The following VWA3A variants were observed in gnomAD, a reference collection of about 807,000 sequenced individuals.
VWA3A encodes the protein von Willebrand factor A domain-containing protein 3A.
In VWA3A, 134 loss-of-function variants were observed where a neutral mutation model predicts 160.4. That is an observed-to-expected ratio of 0.84 (90% CI 0.73 to 0.96). The LOEUF (loss-of-function observed/expected upper bound fraction) is 0.96, where lower values mean the gene tolerates loss of function less well. Among genes scored for constraint, VWA3A ranks in the 40% least tolerant of loss-of-function variants. VWA3A has a pLI of 0.00. For synonymous variants in VWA3A, 476 were observed against 543.4 expected, an observed-to-expected ratio of 0.88 and a Z score of 1.72; for missense variants, 1,310 against 1,447.9, an observed-to-expected ratio of 0.90 and a Z score of 1.55.
rs1333532585 is a variant in VWA3A at position 22,155,921 on chromosome 16, G to A, written c.*14+5G>A. On this transcript the variant is annotated splice_donor_5th_base_variant and intron_variant, in intron 33 of 33. Transcript: ENST00000389398. The stretch of plus-strand genomic sequence containing the variant: ...TTCCTAGAGAAGTGTTCTCAGGTAA[G>A]GGGAGGGGCTAGACCCCATACTACC... The A allele has an allele frequency of 6.2e-7, 1 of 1,613,762 alleles. No individual in the cohort carries two copies. Among genetic ancestry groups the A allele is most frequent in the African/African-American group, 1.3e-5 (1 of 74,932 alleles).
At chr16:22,138,655 A>G in intron 22 of VWA3A, 143 bp downstream of exon 22, 2 of 1,116,364 alleles carry the variant, frequency 1.8e-6, no homozygotes, top group Non-Finnish European at 2.5e-6. Flanking sequence ...CCTCTTGCCC[A>G]GGCCTCCAGG....
In VWA3A at chr16:22,132,904, C is replaced by T. The variant is rs771387132; in HGVS notation, c.1877C>T (p.Thr626Ile). Reference protein sequence around the residue: ...TGGIPDQDMPTLSAYMAEACG... With the variant: ...TGGIPDQDMPILSAYMAEACG... ...CTACCTTCTCTTCCCCACCAGCCTA[C>T]ACTCAGTGCCTACATGGCTGAGGCC... The change falls in exon 20 of 34, where the codon ACA (threonine) becomes ATA (isoleucine). Residue 626 changes from threonine to isoleucine, a missense_variant. Coordinates refer to ENST00000389398, the MANE Select transcript of VWA3A (RefSeq NM_173615.5). 4 of 1,612,920 alleles carry T rather than the reference C, an allele frequency of 2.5e-6. No individual in the cohort carries two copies. The African/African-American group carries it at 5.3e-5, about 22-fold the overall frequency.
At chr16:22,135,783 T>A (rs1264570162) in intron 21 of VWA3A, among the ~76,000 whole-genome samples, 3 of 152,056 alleles carry the variant, frequency 2.0e-5, no homozygotes, top group Non-Finnish European at 4.4e-5. Flanking sequence ...TAGGGTTTTG[T>A]TTTTTGTTTT....
intron 14 of VWA3A, 68 bp from the exon 15 acceptor site, chr16:22,123,017 C>A: frequency 7.3e-7 from 1 of 1,365,124 alleles, no homozygotes; most frequent in Non-Finnish European, 1.0e-6. Flanking sequence ...TTTGGAGAAC[C>A]AGTGCCCAAA....
In VWA3A at chr16:22,115,399, A is replaced by G; in HGVS notation, c.742A>G (p.Asn248Asp). 1 of 1,603,180 alleles carries G rather than the reference A, an allele frequency of 6.2e-7. No homozygotes were observed. Among genetic ancestry groups the G allele is most frequent in the Non-Finnish European group, 8.5e-7 (1 of 1,174,900 alleles). ...VKTLQPDGGS[N>D]LLQALKKIFT... Reference sequence around the variant, plus strand: ...GACGCTGCAGCCTGATGGAGGCAGCAACCTGCTACAAGCTCTGAAGAAGAT... The same window carrying G: ...GACGCTGCAGCCTGATGGAGGCAGCGACCTGCTACAAGCTCTGAAGAAGAT... The change falls in exon 9 of 34, where the codon AAC becomes GAC. Residue 248 changes from asparagine to aspartate, a missense_variant. By Grantham distance (23) the Asn-to-Asp change is conservative. Transcript: ENST00000389398.
chr16:22,150,869 GA>G lies in VWA3A; in HGVS notation c.3281+24del, dbSNP rs759352662. The G allele has an allele frequency of 1.9e-6, 3 of 1,603,166 alleles. No homozygotes were observed. In the Admixed American group the frequency reaches 5.1e-5, roughly 27 times the overall value. On this transcript the variant is annotated intron_variant, in intron 30 of 33. Coordinates refer to ENST00000389398, the MANE Select transcript of VWA3A (RefSeq NM_173615.5). ...CAGGTGCGCAATATGGAGTCTGACT[GA>G]GTTTTATTCTTTTTCCACAGCCACA... is the stretch of plus-strand genomic sequence containing the variant.
chr16:22,131,351 C>A, intron 18 of VWA3A, 72 bp downstream of exon 18: 1 of 1,548,678 alleles, frequency 6.5e-7, no homozygotes, highest in Non-Finnish European at 8.8e-7. Context: ...TCTCTGTCCC[C>A]CTCTCCACCA....
chr16:22,126,504 G>A lies in VWA3A; in HGVS notation c.1652+207G>A, dbSNP rs141372757. 5.9e-5 allele frequency among the ~76,000 whole-genome samples: 9 copies of A among 152,208 alleles called. No homozygotes were observed. In the East Asian group the frequency reaches 1.2e-3, roughly 20 times the overall value. ...AGTTGCAGGACTGTCCTACTGGGGC[G>A]AAGGTGGTAAGTGACCCCATAACAC... On this transcript the variant is annotated intron_variant, in intron 17 of 33. Coordinates refer to ENST00000389398, the MANE Select transcript of VWA3A (RefSeq NM_173615.5).
chr16:22,108,620 A>T (rs1019888041), intron 6 of VWA3A, among the ~76,000 whole-genome samples: 1 of 152,194 alleles, frequency 6.6e-6, no homozygotes, highest in Middle Eastern at 3.2e-3. Flanking sequence ...AGAGCAGAAG[A>T]GTGAATTCAA....
chr16:22,155,769 A>G (rs1265124774), intron 32 of VWA3A, 82 bp from the exon 33 acceptor site: 1 of 1,607,820 alleles, frequency 6.2e-7, no homozygotes, highest in East Asian at 2.2e-5. Context: ...CCTTGCTCCA[A>G]GGGTTCCTGC....
Position 22,123,726 on chromosome 16 carries a change from G to T in VWA3A, c.1532+19G>T, listed in dbSNP as rs2045789143. On this transcript the variant is annotated intron_variant, in intron 16 of 33. Coordinates refer to ENST00000389398, the MANE Select transcript of VWA3A (RefSeq NM_173615.5). ...AAAAAAGGTACCTTTCTTAAGCAGG[G>T]TTCTTATCCTTCATGGGTCTGGTGT... 3 of 1,607,564 alleles carry T rather than the reference G, an allele frequency of 1.9e-6. No individual in the cohort carries two copies. The highest frequency in any genetic ancestry group is 1.3e-5 in the African/African-American group (1 of 74,762).
chr16:22,120,236 C>G (rs1458637707), intron 12 of VWA3A, among the ~76,000 whole-genome samples: 1 of 152,060 alleles, frequency 6.6e-6, no homozygotes. Flanking sequence ...AGGCCCAAAA[C>G]CTTGCCAAGA....
At position 22,115,330 on chromosome 16, in the gene VWA3A, T is replaced by C. The variant is rs2045614275; in HGVS notation, c.690-17T>C. 2.5e-6 allele frequency: 4 copies of C among 1,575,610 alleles called. No homozygotes were observed. The highest frequency in any genetic ancestry group is 2.7e-5 in the African/African-American group (2 of 73,344). The stretch of plus-strand genomic sequence containing the variant: ...AAACAGTCTTATAATTAGGTTGCTG[T>C]TGTTGTCTCCTCCCAGCCTCCAGGA... On this transcript the variant is annotated splice_polypyrimidine_tract_variant and intron_variant, in intron 8 of 33. Coordinates refer to ENST00000389398, the MANE Select transcript of VWA3A (RefSeq NM_173615.5).
At chr16:22,137,098 A>C (rs141326729) in intron 21 of VWA3A, among the ~76,000 whole-genome samples, 2,381 of 151,662 alleles carry the variant, frequency 0.016, 59 homozygotes, top group African/African-American at 0.055. Context: ...TAAATAAATA[A>C]ATAAGTAAGT....
intron 7 of VWA3A, 74 bp downstream of exon 7, chr16:22,109,654 C>T (rs915070378): frequency 1.2e-5 from 16 of 1,341,210 alleles, no homozygotes; most frequent in Middle Eastern, 1.8e-4. Context: ...AGCTTGCTGA[C>T]GAGCTTGTTT....
chr16:22,152,547 C>T lies in VWA3A; in HGVS notation c.3318C>T (p.Phe1106=). Residue 1106 remains phenylalanine, a synonymous_variant, in exon 31 of 34, where the codon TTC becomes TTT. Coordinates refer to ENST00000389398, the MANE Select transcript of VWA3A (RefSeq NM_173615.5). ...AVEFLRKLAS[F]TGGRYHCPVG... is the part of the protein sequence containing the mutation. ...AGTTCCTGAGAAAGCTGGCTTCCTT[C>T]ACCGGCGGACGCTATCACTGCCCTG... is the stretch of plus-strand genomic sequence containing the variant. The T allele has an allele frequency of 6.2e-7, 1 of 1,612,710 alleles. No individual in the cohort carries two copies. The highest frequency in any genetic ancestry group is 8.5e-7 in the Non-Finnish European group (1 of 1,179,282).
chr16:22,156,210 C>A lies in VWA3A; in HGVS notation c.*193C>A, dbSNP rs1354537241. 2 of 399,990 alleles carry A rather than the reference C, an allele frequency of 5.0e-6. No homozygotes were observed. Among genetic ancestry groups the A allele is most frequent in the Non-Finnish European group, 9.1e-6 (2 of 220,040 alleles). The allele number at this position is 399,990 out of a possible 1,614,324, so 24.8% of individuals were successfully genotyped here. A position where few individuals can be genotyped will look rare whatever the true frequency, so the allele number is the denominator to read the frequency against. On this transcript the variant is annotated 3_prime_UTR_variant, in exon 34 of 34. Transcript: ENST00000389398. ...CATTCCCGGGTCTTAATCTAACTCT[C>A]CAGCCCTGTCCCGCAGCGCACTCTA...
intron 21 of VWA3A, among the ~76,000 whole-genome samples, chr16:22,137,099 A>G (rs111820099): frequency 0.098 from 13,223 of 135,010 alleles, 625 homozygotes; most frequent in Middle Eastern, 0.17. Context: ...AAATAAATAA[A>G]TAAGTAAGTA....
intron 12 of VWA3A, among the ~76,000 whole-genome samples, chr16:22,120,472 A>G (rs940284823): frequency 2.6e-5 from 4 of 152,236 alleles, no homozygotes; most frequent in Non-Finnish European, 5.9e-5. Context: ...ATTAATAATA[A>G]TACAGTAGCA....
Sources: allele counts gnomAD v4.1 joint callset (sites outside exome capture counted in the v4.1 genomes callset), GRCh38; gene constraint gnomAD v4.1.1; transcripts MANE v1.5; gene names NCBI Gene and HGNC (gene_info 2026-07-23, HGNC 2026-07-21).